The following LRRC53 variants were observed in gnomAD, a reference collection of about 807,000 sequenced individuals.
LRRC53 encodes leucine-rich repeat-containing protein 53.
LRRC53 carries 25 observed loss-of-function variants against 13.6 expected under a neutral mutation model. That is an observed-to-expected ratio of 1.83 (90% CI 1.34 to 2.56). The LOEUF is 2.56. Among genes scored for constraint, LRRC53 ranks in the 30% most tolerant of loss-of-function variants. LRRC53 has a pLI of 0.00. For synonymous variants in LRRC53, 204 were observed against 109.8 expected (o/e 1.86, Z -5.37); for missense variants, 527 against 275.8 (o/e 1.91, Z -6.45).
the LRRC53 span, among the ~76,000 whole-genome samples, chr1:74,517,694 G>T: frequency 2.0e-5 from 3 of 152,188 alleles, no homozygotes; most frequent in East Asian, 5.8e-4. Flanking sequence ...AGTGTCTTGT[G>T]TAAAGAGTAC....
chr1:74,526,673 T>C, the LRRC53 span, among the ~76,000 whole-genome samples: 1 of 152,346 alleles, frequency 6.6e-6, no homozygotes, highest in East Asian at 1.9e-4. Context: ...AGCTCATGCA[T>C]TTTAGTCTTT....
chr1:74,486,683 A>G (rs994153895), intron 1 of LRRC53, among the ~76,000 whole-genome samples: 18 of 152,066 alleles, frequency 1.2e-4, no homozygotes, highest in African/African-American at 4.1e-4. Flanking sequence ...TAACTCCTCA[A>G]CAAATTAATT....
chr1:74,496,687 C>A (rs1669344372), intron 1 of LRRC53, among the ~76,000 whole-genome samples: 1 of 151,982 alleles, frequency 6.6e-6, no homozygotes, highest in African/African-American at 2.4e-5. Flanking sequence ...AATAGGAATT[C>A]CCTAATTCCT....
At chr1:74,534,812 C>T in the LRRC53 span, among the ~76,000 whole-genome samples, 1 of 152,206 alleles carries the variant, frequency 6.6e-6, no homozygotes, top group Admixed American at 6.5e-5. Context: ...AAATCCTTAA[C>T]GATGGGTTTA....
At chr1:74,492,137 C>T (rs548261851) in intron 1 of LRRC53, 1 of 1,612,168 alleles carries the variant, frequency 6.2e-7, no homozygotes, top group South Asian at 1.1e-5. Context: ...GGGTCTCTCT[C>T]ACCTTCTTCT....
At chr1:74,521,230 G>A in the LRRC53 span, among the ~76,000 whole-genome samples, 1 of 152,100 alleles carries the variant, frequency 6.6e-6, no homozygotes, top group Non-Finnish European at 1.5e-5. Context: ...TCACATTGTG[G>A]CACTGCCATT....
chr1:74,503,740 A>G (rs1669752698), intron 1 of LRRC53, among the ~76,000 whole-genome samples: 1 of 152,254 alleles, frequency 6.6e-6, no homozygotes, highest in African/African-American at 2.4e-5. Context: ...GATGCCTATC[A>G]GTTGCCTTTT....
chr1:74,526,129 A>G, the LRRC53 span, among the ~76,000 whole-genome samples: 543 of 152,336 alleles, frequency 3.6e-3, 2 homozygotes, highest in African/African-American at 0.012. Flanking sequence ...AATGTTCTGC[A>G]TGTTCAAAGA....
chr1:74,492,362 T>C lies in LRRC53; in HGVS notation c.-26-8987A>G, dbSNP rs180759373. On this transcript the variant is annotated intron_variant, in intron 1 of 4. Coordinates refer to ENST00000294635, the MANE Select transcript of LRRC53 (RefSeq NM_001382280.1). ...TTGATTACTATTAACAGGGTTTGATTACCCCCTGAAAAACTTTGAAAGAGG... is the reference window on the plus strand; with the variant it reads ...TTGATTACTATTAACAGGGTTTGATCACCCCCTGAAAAACTTTGAAAGAGG... 35 of 1,321,084 alleles carry C rather than the reference T, an allele frequency of 2.6e-5. No homozygotes were observed. In the African/African-American group the frequency reaches 3.7e-4, roughly 14 times the overall value. The allele number at this position is 1,321,084 out of a possible 1,614,324, so 81.8% of individuals were successfully genotyped here. A position where few individuals can be genotyped will look rare whatever the true frequency, so the allele number is the denominator to read the frequency against.
intron 1 of LRRC53, among the ~76,000 whole-genome samples, chr1:74,485,371 G>A (rs917449543): frequency 2.6e-5 from 4 of 152,168 alleles, no homozygotes; most frequent in African/African-American, 4.8e-5. Flanking sequence ...CTACCTGGCC[G>A]GTTAGTCGGC....
chr1:74,499,157 AG>A, intron 1 of LRRC53, among the ~76,000 whole-genome samples: 1 of 152,282 alleles, frequency 6.6e-6, no homozygotes. Context: ...CCTTGAACTC[AG>A]GGTCTTTACT....
intron 1 of LRRC53, among the ~76,000 whole-genome samples, chr1:74,491,726 A>G (rs533774102): frequency 1.3e-5 from 2 of 152,364 alleles, no homozygotes; most frequent in South Asian, 4.1e-4. Flanking sequence ...GAATAATTTT[A>G]GCTATGATTT....
chr1:74,524,256 C>T, the LRRC53 span, among the ~76,000 whole-genome samples: 8 of 152,224 alleles, frequency 5.3e-5, no homozygotes, highest in African/African-American at 1.9e-4. Context: ...GGAATTTTAA[C>T]AGCCTGATCT....
intron 4 of LRRC53, 39 bp from the exon 5 acceptor site, chr1:74,472,240 AGTT>A: frequency 1.4e-6 from 1 of 713,544 alleles, no homozygotes; most frequent in East Asian, 2.7e-5. Context: ...CACTTAGCAG[AGTT>A]TTATTACCCC....
chr1:74,483,036 G>A (rs1478165233), intron 2 of LRRC53, among the ~76,000 whole-genome samples: 1 of 152,164 alleles, frequency 6.6e-6, no homozygotes, highest in African/African-American at 2.4e-5. Context: ...TTTTGCAATA[G>A]CAAAATAACT....
rs144022398 is a variant in LRRC53 at position 74,493,411 on chromosome 1, A to G, written c.-26-10036T>C. Among the ~76,000 whole-genome samples, 910 of 152,340 alleles carry G rather than the reference A, an allele frequency of 6.0e-3. 13 individuals carry two copies. Among genetic ancestry groups the G allele is most frequent in the African/African-American group, 0.02 (845 of 41,578 alleles). On this transcript the variant is annotated intron_variant, in intron 1 of 4. Transcript: ENST00000294635. ...GCAAAAACAAAAAGATTAAGCAAAA[A>G]GGTAAGTCAGAAAAAAGAGAAAAAG... is the stretch of plus-strand genomic sequence containing the variant.
the LRRC53 span, among the ~76,000 whole-genome samples, chr1:74,521,378 T>A: frequency 1.3e-5 from 2 of 152,148 alleles, no homozygotes; most frequent in Non-Finnish European, 2.9e-5. Context: ...TGTAAGTCAC[T>A]TAAAACAATA....
chr1:74,479,377 A>C (rs917267951), intron 3 of LRRC53, among the ~76,000 whole-genome samples: 2 of 152,368 alleles, frequency 1.3e-5, no homozygotes, highest in East Asian at 3.9e-4. Flanking sequence ...AATTACAAAA[A>C]ATATATAAAG....
chr1:74,528,175 G>A, the LRRC53 span, among the ~76,000 whole-genome samples: 1 of 152,206 alleles, frequency 6.6e-6, no homozygotes, highest in African/African-American at 2.4e-5. Flanking sequence ...GTTCCATGCA[G>A]GCTAAGAAGG....
Sources: allele counts gnomAD v4.1 joint callset (sites outside exome capture counted in the v4.1 genomes callset), GRCh38; gene constraint gnomAD v4.1.1; transcripts MANE v1.5; gene names NCBI Gene and HGNC (gene_info 2026-07-23, HGNC 2026-07-21).